The following KRTAP4-16 variants were observed in gnomAD, a reference collection of about 807,000 sequenced individuals.
The protein encoded by KRTAP4-16 is keratin associated protein 4-16.
For missense variants in KRTAP4-16, 378 were observed against 233.5 expected (o/e 1.62, Z -4.03); for synonymous variants, 140 against 88.8 (o/e 1.58, Z -3.24).
exon 1 of KRTAP4-16, chr17:41,101,969 G>A (rs141088836): frequency 0.021 from 34,557 of 1,610,308 alleles, 517 homozygotes; most frequent in Non-Finnish European, 0.024. Context: ...CAGCAGCTGG[G>A]GTGGCAGCAG....
At chr17:41,101,561 AGGG>A in exon 1 of KRTAP4-16, 1 of 228,184 alleles carries the variant, frequency 4.4e-6, no homozygotes. Context: ...AGGGGAGGGG[AGGG>A]GAGGGGAGGG....
exon 1 of KRTAP4-16, chr17:41,101,874 G>A (rs2143880807): frequency 4.3e-6 from 7 of 1,609,242 alleles, no homozygotes; most frequent in Non-Finnish European, 5.9e-6. Flanking sequence ...GGCAGCAGCT[G>A]CTGGAGATGC....
At chr17:41,101,739 C>T (rs1313408258) in exon 1 of KRTAP4-16, 5 of 1,349,308 alleles carry the variant, frequency 3.7e-6, no homozygotes, top group South Asian at 2.5e-5. Context: ...AGGCACAGCA[C>T]AAGGGGTGGG....
At chr17:41,102,147 G>GGGT (rs1567962326) in exon 1 of KRTAP4-16, 1 of 1,507,330 alleles carries the variant, frequency 6.6e-7, no homozygotes, top group Non-Finnish European at 9.2e-7. Context: ...GACAGCAGTT[G>GGGT]GGTGGGCTGG....
chr17:41,101,574 GGAAAGT>G, exon 1 of KRTAP4-16: 1 of 387,104 alleles, frequency 2.6e-6, no homozygotes, highest in Non-Finnish European at 4.5e-6. Flanking sequence ...GGAGGGGAGG[GGAAAGT>G]GAAGGGAGAG....
rs542855283 is a variant in KRTAP4-16, at chr17:41,101,638, G to A, written c.572C>T (p.Pro191Leu). 344 of 502,756 alleles carry A rather than the reference G, an allele frequency of 6.8e-4. 1 individual carries two copies. The highest frequency in any genetic ancestry group is 9.8e-4 in the Admixed American group (36 of 36,560). 31.1% of individuals were successfully genotyped at this position (502,756 alleles called of 1,614,324 possible). Residue 191 changes from proline (P) to leucine (L), a missense_variant, in exon 1 of 1, where the codon CCT becomes CTT. Pro to Leu is a moderately conservative substitution (Grantham distance 98). Transcript: ENST00000440582. ...GATTAACACTGGGGAGAGGAGGGGA[G>A]GGGAAGGGCGGGGAGGGGAGGGGAG...
chr17:41,101,908 G>T (rs771433865), exon 1 of KRTAP4-16: 2 of 1,611,102 alleles, frequency 1.2e-6, no homozygotes, highest in South Asian at 2.2e-5. Flanking sequence ...GCAGCAGGTG[G>T]GCTGGAAGCA....
At chr17:41,101,971 T>C in exon 1 of KRTAP4-16, 1 of 1,575,768 alleles carries the variant, frequency 6.3e-7, no homozygotes, top group Non-Finnish European at 8.6e-7. Flanking sequence ...GCAGCTGGGG[T>C]GGCAGCAGGT....
exon 1 of KRTAP4-16, chr17:41,101,909 G>C: frequency 6.2e-7 from 1 of 1,611,002 alleles, no homozygotes; most frequent in South Asian, 1.1e-5. Flanking sequence ...CAGCAGGTGG[G>C]CTGGAAGCAC....
exon 1 of KRTAP4-16, chr17:41,101,685 G>A (rs1597982552): frequency 5.7e-6 from 4 of 707,610 alleles, no homozygotes; most frequent in Non-Finnish European, 9.3e-6. Context: ...GGAAGAAAGG[G>A]AGGGGAACGG....
the KRTAP4-16 span, chr17:41,101,599 GGGGAA>G: frequency 2.4e-6 from 1 of 417,958 alleles, no homozygotes; most frequent in Admixed American, 4.4e-5. Context: ...AGAAGGGGAA[GGGGAA>G]GGGGAGGGGA....
chr17:41,101,991 G>T, the KRTAP4-16 span: 1 of 1,602,454 alleles, frequency 6.2e-7, no homozygotes, highest in East Asian at 2.2e-5. Context: ...TCGTCCTGCA[G>T]CAGGTGGTCT....
chr17:41,102,097 G>T (rs748782270), exon 1 of KRTAP4-16: 2 of 1,583,582 alleles, frequency 1.3e-6, no homozygotes, highest in Non-Finnish European at 8.7e-7. Flanking sequence ...GTGGGAGCAG[G>T]AGGTGGTTCT....
At chr17:41,102,078 A>C in exon 1 of KRTAP4-16, 1 of 1,593,294 alleles carries the variant, frequency 6.3e-7, no homozygotes, top group Non-Finnish European at 8.6e-7. Flanking sequence ...AGCTGGACAC[A>C]GAGCAGCTGT....
exon 1 of KRTAP4-16, chr17:41,101,612 G>A: frequency 2.3e-6 from 1 of 429,132 alleles, no homozygotes; most frequent in Non-Finnish European, 4.1e-6. Context: ...GAAGGGGAGG[G>A]GATTAACACT....
exon 1 of KRTAP4-16, chr17:41,102,209 T>A: frequency 9.3e-7 from 1 of 1,071,482 alleles, no homozygotes; most frequent in Non-Finnish European, 1.4e-6. Context: ...GAACTGCACA[T>A]AGTAAAATGC....
At chr17:41,102,068 A>C (rs763047629) in exon 1 of KRTAP4-16, 2 of 1,595,774 alleles carry the variant, frequency 1.3e-6, no homozygotes, top group East Asian at 2.3e-5. Context: ...GGTCTGCAGC[A>C]GCTGGACACA....
exon 1 of KRTAP4-16, chr17:41,101,922 G>T: frequency 2.5e-6 from 4 of 1,610,642 alleles, no homozygotes; most frequent in Non-Finnish European, 3.4e-6. Flanking sequence ...GGAAGCACAC[G>T]GAATGGCAGC....
chr17:41,101,650 G>A, exon 1 of KRTAP4-16: 1 of 518,920 alleles, frequency 1.9e-6, no homozygotes, highest in Non-Finnish European at 3.5e-6. Flanking sequence ...GGAAGGGCGG[G>A]GAGGGGAGGG....
Sources: gnomAD v4.1 joint callset for allele counts on GRCh38, gnomAD v4.1.1 for gene constraint, MANE v1.5 for transcripts, NCBI Gene and HGNC (gene_info 2026-07-23, HGNC 2026-07-21) for gene names.